TFAP2D: variants seen among roughly 807,000 people sequenced by gnomAD.
The protein encoded by TFAP2D is transcription factor AP-2 delta.
TFAP2D carries 9 observed loss-of-function variants against 43.6 expected under a neutral mutation model. That is an observed-to-expected ratio of 0.21 (90% confidence interval 0.12 to 0.36). The LOEUF is 0.36. Ranked by LOEUF, TFAP2D falls within the 10% of genes least tolerant of loss-of-function variation. The pLI is 1.00. For synonymous variants in TFAP2D, 256 were observed against 224.9 expected (o/e 1.14, Z -1.24); for missense variants, 513 against 561.4 (o/e 0.91, Z 0.87).
intron 7 of TFAP2D, among the ~76,000 whole-genome samples, chr6:50,762,748 C>T (rs1238757151): frequency 6.6e-6 from 1 of 152,082 alleles, no homozygotes; most frequent in Non-Finnish European, 1.5e-5. Context: ...GTTTTCTCAG[C>T]AGGTGATGGT....
intron 5 of TFAP2D, among the ~76,000 whole-genome samples, chr6:50,734,076 C>A (rs1768930722): frequency 6.6e-6 from 1 of 151,306 alleles, no homozygotes; most frequent in African/African-American, 2.4e-5. Flanking sequence ...GAAAGGGAAC[C>A]AGTTCCAAAT....
At chr6:50,724,293 G>T (rs1162549572) in intron 3 of TFAP2D, among the ~76,000 whole-genome samples, 1 of 151,874 alleles carries the variant, frequency 6.6e-6, no homozygotes, top group Non-Finnish European at 1.5e-5. Context: ...AGAAAAAAAA[G>T]AGCGATCACT....
At chr6:50,723,391 C>T (rs1420250339) in intron 3 of TFAP2D, among the ~76,000 whole-genome samples, 1 of 152,206 alleles carries the variant, frequency 6.6e-6, no homozygotes, top group African/African-American at 2.4e-5. Context: ...GCCGTGGATT[C>T]TTTCAGCAGC....
At chr6:50,763,786 A>C (rs1344883689) in intron 7 of TFAP2D, among the ~76,000 whole-genome samples, 1 of 152,142 alleles carries the variant, frequency 6.6e-6, no homozygotes, top group East Asian at 1.9e-4. Flanking sequence ...AGTTTATATG[A>C]AACTCTGGGG....
chr6:50,753,054 T>C (rs1412431613), intron 7 of TFAP2D, among the ~76,000 whole-genome samples: 1 of 151,674 alleles, frequency 6.6e-6, no homozygotes, highest in Non-Finnish European at 1.5e-5. Flanking sequence ...GTCTCCAGCA[T>C]TACATCTACA....
At chr6:50,715,670 C>T in intron 2 of TFAP2D, 57 bp downstream of exon 2, 2 of 1,526,850 alleles carry the variant, frequency 1.3e-6, no homozygotes, top group South Asian at 1.3e-5. Context: ...CTCCCCCTGC[C>T]GCCCCATTAA....
At position 50,719,113 on chromosome 6, in the gene TFAP2D, G is replaced by T. The variant is rs1200450013; in HGVS notation, c.561G>T (p.Gly187=). The T allele has an allele frequency of 5.0e-6, 8 of 1,613,994 alleles. No homozygotes were observed. The highest frequency in any genetic ancestry group is 6.8e-6 in the Non-Finnish European group (8 of 1,179,898). ...DLQGSVEAQC[G]LVLNGQGGVI... Reference sequence around the variant, plus strand: ...AGGGCTCTGTGGAGGCCCAGTGTGGGCTTGTTCTCAATGGCCAAGGTGGAG... The same window carrying T: ...AGGGCTCTGTGGAGGCCCAGTGTGGTCTTGTTCTCAATGGCCAAGGTGGAG... The change falls in exon 3 of 8, where the codon GGG becomes GGT. Residue 187 remains glycine (G), a synonymous_variant. Transcript: ENST00000008391.
At chr6:50,762,486 G>T (rs1755326825) in intron 7 of TFAP2D, among the ~76,000 whole-genome samples, 1 of 152,032 alleles carries the variant, frequency 6.6e-6, no homozygotes, top group South Asian at 2.1e-4. Context: ...ACTTAGGGAA[G>T]AAACCTGACA....
At chr6:50,738,053 A>C (rs557426041) in intron 5 of TFAP2D, among the ~76,000 whole-genome samples, 61 of 152,308 alleles carry the variant, frequency 4.0e-4, no homozygotes, top group African/African-American at 1.4e-3. Flanking sequence ...AGAAGCATTG[A>C]CATTATAGTA....
chr6:50,723,707 T>C (rs911586377), intron 3 of TFAP2D, among the ~76,000 whole-genome samples: 1 of 152,196 alleles, frequency 6.6e-6, no homozygotes, highest in African/African-American at 2.4e-5. Context: ...TTGGGGGTTG[T>C]AGAGGGAAAG....
intron 3 of TFAP2D, among the ~76,000 whole-genome samples, chr6:50,723,265 T>C (rs1396849635): frequency 6.6e-6 from 1 of 152,226 alleles, no homozygotes; most frequent in Non-Finnish European, 1.5e-5. Context: ...ACCTGATCGC[T>C]TTTCCCTTTA....
chr6:50,753,984 A>T (rs1433310423), intron 7 of TFAP2D, among the ~76,000 whole-genome samples: 1 of 152,092 alleles, frequency 6.6e-6, no homozygotes, highest in African/African-American at 2.4e-5. Context: ...AACTGTGATT[A>T]AAAATACATA....
At chr6:50,739,781 T>C (rs1769011619) in intron 5 of TFAP2D, among the ~76,000 whole-genome samples, 1 of 152,228 alleles carries the variant, frequency 6.6e-6, no homozygotes, top group Non-Finnish European at 1.5e-5. Context: ...AGCTTTTTCA[T>C]TTAACAAATG....
intron 5 of TFAP2D, among the ~76,000 whole-genome samples, chr6:50,741,859 G>A (rs890540303): frequency 5.9e-5 from 9 of 151,730 alleles, no homozygotes; most frequent in Non-Finnish European, 1.0e-4. Context: ...GAAATCAAAC[G>A]GAAAACATCC....
At chr6:50,770,463 G>T (rs1343616143) in intron 7 of TFAP2D, among the ~76,000 whole-genome samples, 2 of 151,988 alleles carry the variant, frequency 1.3e-5, no homozygotes, top group East Asian at 3.9e-4. Flanking sequence ...GCTCAGGGAA[G>T]AAAGATGGTA....
At chr6:50,714,168 G>C in intron 1 of TFAP2D, 74 bp downstream of exon 1, 1 of 1,484,198 alleles carries the variant, frequency 6.7e-7, no homozygotes, top group South Asian at 1.2e-5. Context: ...CGGCGGTGGC[G>C]GCGGCGGTGG....
chr6:50,741,183 G>A (rs1310724474), intron 5 of TFAP2D, among the ~76,000 whole-genome samples: 3 of 151,988 alleles, frequency 2.0e-5, no homozygotes, highest in African/African-American at 7.2e-5. Context: ...TTTTTTAGTA[G>A]GTGGGGTTAC....
intron 3 of TFAP2D, among the ~76,000 whole-genome samples, chr6:50,723,600 A>C (rs1768763732): frequency 6.6e-6 from 1 of 152,188 alleles, no homozygotes; most frequent in Non-Finnish European, 1.5e-5. Flanking sequence ...CCCAGTGCAG[A>C]TTCTGCAGGT....
chr6:50,724,472 G>T (rs1768776475), intron 3 of TFAP2D, among the ~76,000 whole-genome samples: 1 of 152,312 alleles, frequency 6.6e-6, no homozygotes, highest in Admixed American at 6.5e-5. Context: ...CTGTGGCTTT[G>T]GAGAGGATGC....
Sources: gnomAD v4.1 joint callset for allele counts (sites outside exome capture counted in the v4.1 genomes callset) on GRCh38, gnomAD v4.1.1 for gene constraint, MANE v1.5 for transcripts, NCBI Gene and HGNC (gene_info 2026-07-23, HGNC 2026-07-21) for gene names.